Variants in ZBTB21 observed in about 807,000 individuals in gnomAD.
ZBTB21 encodes the protein zinc finger and BTB domain containing 21.
ZBTB21 carries 10 observed loss-of-function variants against 39.8 expected under a neutral mutation model. That is an observed-to-expected ratio of 0.25 (90% CI 0.16 to 0.43). The LOEUF is 0.43. ZBTB21 is among the 20% of genes least tolerant of loss of function. ZBTB21 has a pLI of 1.00. For synonymous variants in ZBTB21, 551 were observed against 498.8 expected (o/e 1.10, Z -1.40); for missense variants, 1,221 against 1,296.3 (o/e 0.94, Z 0.89).
At chr21:42,010,010 G>A (rs2065941419) in intron 1 of ZBTB21, among the ~76,000 whole-genome samples, 1 of 152,266 alleles carries the variant, frequency 6.6e-6, no homozygotes, top group Non-Finnish European at 1.5e-5. Context: ...CCAAGTGCTG[G>A]CAGGGAGCGT....
intron 1 of ZBTB21, among the ~76,000 whole-genome samples, chr21:42,007,322 C>A (rs537371437): frequency 1.3e-5 from 2 of 152,334 alleles, no homozygotes; most frequent in South Asian, 4.1e-4. Flanking sequence ...CGTATTACAT[C>A]ACTGCCCTGC....
At chr21:41,994,625 T>A (rs1319732595) in intron 2 of ZBTB21, among the ~76,000 whole-genome samples, 1 of 152,202 alleles carries the variant, frequency 6.6e-6, no homozygotes, top group African/African-American at 2.4e-5. Context: ...AGACAGGGTA[T>A]CTCTCTGTCA....
chr21:41,988,373 T>C lies in ZBTB21; in HGVS notation c.*2522A>G, dbSNP rs1294729505. ...CAATCCTAAAATATATTTACATGAA[T>C]ATCTTCACTAGCTAATGAGTTGCAA... On this transcript the variant is annotated 3_prime_UTR_variant, in exon 3 of 3. Coordinates refer to ENST00000310826, the MANE Select transcript of ZBTB21 (RefSeq NM_001098402.2). 1 of 152,264 alleles carries C rather than the reference T, an allele frequency of 6.6e-6. No individual in the cohort carries two copies. The highest frequency in any genetic ancestry group is 1.5e-5 in the Non-Finnish European group (1 of 68,030). 9.4% of individuals were successfully genotyped at this position (152,264 alleles called of 1,614,324 possible).
rs774961135 is a variant in ZBTB21, at chr21:41,992,537, A to T, written c.1559T>A (p.Leu520His). ...NFEEGSSPTL[L>H]DADFPDSDLN... ...ATCAGAATCTGGAAAATCTGCATCA[A>T]GGAGAGTAGGGCTTGAGCCTTCCTC... is the stretch of plus-strand genomic sequence containing the variant. The change falls in exon 3 of 3, where the codon CTT becomes CAT. Residue 520 changes from leucine (L) to histidine (H), a missense_variant. By Grantham distance (99) the Leu-to-His change is moderately conservative. Coordinates refer to ENST00000310826, the MANE Select transcript of ZBTB21 (RefSeq NM_001098402.2). The surrounding 1 kb of genome is among the most constrained non-coding windows in gnomAD (Gnocchi z 4.1). 6.2e-7 allele frequency: 1 copy of T among 1,614,240 alleles called. No individual in the cohort carries two copies. Among genetic ancestry groups the T allele is most frequent in the East Asian group, 2.2e-5 (1 of 44,884 alleles).
chr21:41,987,837 C>A lies in ZBTB21; in HGVS notation c.*3058G>T, dbSNP rs1445803093. On this transcript the variant is annotated 3_prime_UTR_variant, in exon 3 of 3. Coordinates refer to ENST00000310826, the MANE Select transcript of ZBTB21 (RefSeq NM_001098402.2). The stretch of plus-strand genomic sequence containing the variant: ...GCCTTGTAGGTGCATCCACACCGCA[C>A]CTCCGTGAACAGACACATTTTATTC... 6.6e-6 allele frequency: 1 copy of A among 152,222 alleles called. No individual in the cohort carries two copies. The allele number at this position is 152,222 out of a possible 1,614,324, so 9.4% of individuals were successfully genotyped here. A position where few individuals can be genotyped will look rare whatever the true frequency, so the allele number is the denominator to read the frequency against.
At chr21:42,004,312 G>A (rs377718567) in intron 1 of ZBTB21, among the ~76,000 whole-genome samples, 6 of 152,188 alleles carry the variant, frequency 3.9e-5, no homozygotes, top group East Asian at 1.9e-4. Context: ...CACCGCGCCC[G>A]GCCTCATATC....
In ZBTB21 at chr21:41,992,031, T is replaced by C. The variant is rs1198264194; in HGVS notation, c.2065A>G (p.Ile689Val). The C allele has an allele frequency of 1.2e-6, 2 of 1,614,270 alleles. No homozygotes were observed. Among genetic ancestry groups the C allele is most frequent in the South Asian group, 1.1e-5 (1 of 91,088 alleles). Residue 689 changes from isoleucine to valine, a missense_variant, in exon 3 of 3, where the codon ATA (isoleucine) becomes GTA (valine). Transcript: ENST00000310826. This position sits in a 1 kb window ranked among gnomAD's most constrained non-coding sequence, Gnocchi z 4.1. ...GGTTTTTCTCCTGGATGCATTTTTA[T>C]ATGCTGCTTAAATTGAGAGAGAAAG... Reference protein sequence around the residue: ...YRFLSQFKQHIKMHPGEKPLG... With the variant: ...YRFLSQFKQHVKMHPGEKPLG...
Position 41,987,144 on chromosome 21 carries a change from T to C in ZBTB21, c.*3751A>G, listed in dbSNP as rs1477255182. The C allele has an allele frequency of 1.3e-5, 2 of 152,346 alleles. No individual in the cohort carries two copies. Among genetic ancestry groups the C allele is most frequent in the African/African-American group, 4.8e-5 (2 of 41,456 alleles). 9.4% of individuals were successfully genotyped at this position (152,346 alleles called of 1,614,324 possible). On this transcript the variant is annotated 3_prime_UTR_variant, in exon 3 of 3. Transcript: ENST00000310826. ...GTTCTGAAAACTAGTATTAACTGAG[T>C]ATAACTGTGTGAAAAATCTGGACAG...
rs141120816 is a variant in ZBTB21 at position 41,991,553 on chromosome 21, C to T, written c.2543G>A (p.Ser848Asn). The change falls in exon 3 of 3, where the codon AGT (serine) becomes AAT (asparagine). Residue 848 changes from serine to asparagine, a missense_variant. Transcript: ENST00000310826. This position sits in a 1 kb window ranked among gnomAD's most constrained non-coding sequence, Gnocchi z 4.9. Reference protein sequence around the residue: ...IVTTKDDNVFSDSSEQVNFDS... With the variant: ...IVTTKDDNVFNDSSEQVNFDS... The stretch of plus-strand genomic sequence containing the variant: ...GAAGTTAACTTGTTCTGAAGAATCA[C>T]TGAACACGTTGTCGTCTTTTGTGGT... 2.0e-4 allele frequency: 320 copies of T among 1,614,234 alleles called. No individual in the cohort carries two copies. Among genetic ancestry groups the T allele is most frequent in the Admixed American group, 3.0e-4 (18 of 60,028 alleles).
intron 1 of ZBTB21, among the ~76,000 whole-genome samples, chr21:42,005,285 C>T (rs1370009382): frequency 6.6e-6 from 1 of 152,334 alleles, no homozygotes; most frequent in Middle Eastern, 3.4e-3. Context: ...GCCTGATGTG[C>T]TCCTCTCCCC....
intron 2 of ZBTB21, among the ~76,000 whole-genome samples, chr21:41,999,616 C>G (rs1372032463): frequency 6.6e-6 from 1 of 152,198 alleles, no homozygotes; most frequent in Non-Finnish European, 1.5e-5. Flanking sequence ...TAGCACCTAA[C>G]TGTACAGGAA....
chr21:41,998,697 A>G (rs2065781746), intron 2 of ZBTB21, among the ~76,000 whole-genome samples: 1 of 152,250 alleles, frequency 6.6e-6, no homozygotes, highest in East Asian at 1.9e-4. Flanking sequence ...GCTCTTCAGG[A>G]AGAGCCCAGA....
At position 41,991,375 on chromosome 21, in the gene ZBTB21, G is replaced by C. The variant is rs372046037; in HGVS notation, c.2721C>G (p.Ser907Arg). ...PKEAGPSKEA[S>R]LWPCEKCGKM... ...TCCCACACTTCTCGCAGGGCCACAG[G>C]CTGGCTTCTTTGCTAGGACCCGCTT... The change falls in exon 3 of 3, where the codon AGC (serine) becomes AGG (arginine). Residue 907 changes from serine to arginine, a missense_variant. Around this residue, in one of 4 missense-constraint regions of ZBTB21, gnomAD observed 523 missense variants for 542.5 expected, o/e 0.96. Coordinates refer to ENST00000310826, the MANE Select transcript of ZBTB21 (RefSeq NM_001098402.2). The surrounding 1 kb of genome is among the most constrained non-coding windows in gnomAD (Gnocchi z 4.9). 5.0e-6 allele frequency: 8 copies of C among 1,606,058 alleles called. No homozygotes were observed. Among genetic ancestry groups the C allele is most frequent in the East Asian group, 2.2e-5 (1 of 44,844 alleles).
chr21:42,007,288 G>T (rs1319197824), intron 1 of ZBTB21, among the ~76,000 whole-genome samples: 1 of 152,200 alleles, frequency 6.6e-6, no homozygotes, highest in African/African-American at 2.4e-5. Flanking sequence ...AATTATGGCT[G>T]TTAGTTGTTT....
In ZBTB21 at chr21:41,991,099, C is replaced by G; in HGVS notation, c.2997G>C (p.Leu999=). ...ACAGGCCTGTGGGGCTGTCAGGCTCCAGAGGCTGGATCTTGGGCAGTGGTG... is the reference window on the plus strand; with the variant it reads ...ACAGGCCTGTGGGGCTGTCAGGCTCGAGAGGCTGGATCTTGGGCAGTGGTG... The part of the protein sequence containing the change: ...PPPPLPKIQP[L]EPDSPTGLSE... Residue 999 remains leucine (L), a synonymous_variant, in exon 3 of 3, where the codon CTG becomes CTC. Coordinates refer to ENST00000310826, the MANE Select transcript of ZBTB21 (RefSeq NM_001098402.2). The surrounding 1 kb of genome is among the most constrained non-coding windows in gnomAD (Gnocchi z 4.9). 6.2e-7 allele frequency: 1 copy of G among 1,612,552 alleles called. No homozygotes were observed. Among genetic ancestry groups the G allele is most frequent in the Non-Finnish European group, 8.5e-7 (1 of 1,179,256 alleles).
Position 41,992,091 on chromosome 21 carries a change from C to T in ZBTB21, c.2005G>A (p.Ala669Thr), listed in dbSNP as rs2065668536. 6.2e-7 allele frequency: 1 copy of T among 1,614,108 alleles called. No homozygotes were observed. Among genetic ancestry groups the T allele is most frequent in the South Asian group, 1.1e-5 (1 of 91,072 alleles). ...TTTCCGCAGTAAGTACAAATGTAAGCTCCTTTGGCTCGAGATCTCAAGTTC... is the reference window on the plus strand; with the variant it reads ...TTTCCGCAGTAAGTACAAATGTAAGTTCCTTTGGCTCGAGATCTCAAGTTC... ...KRNLRSRAKG[A>T]YICTYCGKAY... The change falls in exon 3 of 3, where the codon GCT becomes ACT. Residue 669 changes from alanine (A) to threonine (T), a missense_variant. This residue lies in a region of ZBTB21 where 523 missense variants were observed against 542.5 expected (regional missense o/e 0.96). Coordinates refer to ENST00000310826, the MANE Select transcript of ZBTB21 (RefSeq NM_001098402.2). The surrounding 1 kb of genome is among the most constrained non-coding windows in gnomAD (Gnocchi z 4.1).
At chr21:42,001,879 A>G (rs570854983) in intron 2 of ZBTB21, among the ~76,000 whole-genome samples, 102 of 152,338 alleles carry the variant, frequency 6.7e-4, no homozygotes, top group African/African-American at 2.3e-3. Flanking sequence ...CAGACAGATA[A>G]TAAGTAGCAG....
Position 41,991,839 on chromosome 21 carries a change from A to T in ZBTB21, c.2257T>A (p.Cys753Ser). Residue 753 changes from cysteine (C) to serine (S), a missense_variant, in exon 3 of 3, where the codon TGC becomes AGC. Cys to Ser is a moderately radical substitution (Grantham distance 112, BLOSUM62 -1). Transcript: ENST00000310826. This position sits in a 1 kb window ranked among gnomAD's most constrained non-coding sequence, Gnocchi z 4.9. The part of the protein sequence containing the change: ...LCRNAAVCPY[C>S]SLRFFSPELK... ...TCGGGCGAGAAAAACCTGAGGCTGC[A>T]GTAAGGGCAGACGGCCGCGTTCCGG... 1.2e-6 allele frequency: 2 copies of T among 1,614,222 alleles called. No homozygotes were observed. The highest frequency in any genetic ancestry group is 1.7e-6 in the Non-Finnish European group (2 of 1,180,050).
At chr21:41,995,160 G>A (rs958317991) in intron 2 of ZBTB21, among the ~76,000 whole-genome samples, 5 of 152,186 alleles carry the variant, frequency 3.3e-5, no homozygotes, top group Non-Finnish European at 7.3e-5. Context: ...AAAGATACCC[G>A]AAAATGTGGA....
Sources: gnomAD v4.1 joint callset for allele counts (sites outside exome capture counted in the v4.1 genomes callset) on GRCh38, gnomAD v4.1.1 for gene constraint, gnomAD v4.1.1 regional missense constraint, Gnocchi (gnomAD v3.1) non-coding constraint, MANE v1.5 for transcripts, NCBI Gene and HGNC (gene_info 2026-07-23, HGNC 2026-07-21) for gene names.